Variants in SLC9A9 observed in about 807,000 individuals in gnomAD.
SLC9A9 encodes sodium/hydrogen exchanger 9.
SLC9A9 carries 62 observed loss-of-function variants against 77.8 expected under a neutral mutation model. The ratio of observed to expected loss-of-function variants is 0.80; its 90% CI spans 0.65 to 0.98. The LOEUF (loss-of-function observed/expected upper bound fraction) is 0.98. Ranked by LOEUF, SLC9A9 falls within the 50% of genes least tolerant of loss-of-function variation. The pLI is 0.00. For missense variants in SLC9A9, 775 were observed against 774.9 expected (o/e 1.00, Z 0.00); for synonymous variants, 320 against 283.5 (o/e 1.13, Z -1.29).
intron 8 of SLC9A9, among the ~76,000 whole-genome samples, chr3:143,554,783 G>T (rs2036951004): frequency 6.6e-6 from 1 of 152,082 alleles, no homozygotes; most frequent in Admixed American, 6.6e-5. Flanking sequence ...TGTTCTGCCA[G>T]GGGCCCTTGC....
At chr3:143,727,603 G>A (rs1163343160) in intron 4 of SLC9A9, among the ~76,000 whole-genome samples, 2 of 152,030 alleles carry the variant, frequency 1.3e-5, no homozygotes, top group African/African-American at 2.4e-5. Context: ...CGAGGGAAAC[G>A]GCTCCTGCCT....
intron 2 of SLC9A9, among the ~76,000 whole-genome samples, chr3:143,811,588 AT>A (rs2008865575): frequency 6.6e-6 from 1 of 152,124 alleles, no homozygotes. Context: ...GCTCACACCT[AT>A]AATCCCAGTA....
chr3:143,430,639 G>A (rs2034497213), intron 12 of SLC9A9, among the ~76,000 whole-genome samples: 1 of 152,216 alleles, frequency 6.6e-6, no homozygotes, highest in South Asian at 2.1e-4. Flanking sequence ...GGCCAATGAA[G>A]CTGCATGTGG....
intron 12 of SLC9A9, among the ~76,000 whole-genome samples, chr3:143,388,743 T>C (rs1004265324): frequency 2.0e-5 from 3 of 152,168 alleles, no homozygotes; most frequent in African/African-American, 4.8e-5. Context: ...AGGTCAATGA[T>C]AGGATTCCTG....
chr3:143,384,073 C>A (rs373761512), intron 12 of SLC9A9, among the ~76,000 whole-genome samples: 185 of 152,060 alleles, frequency 1.2e-3, no homozygotes, highest in Non-Finnish European at 2.0e-3. Flanking sequence ...AGGGGAGGAA[C>A]CTTTGATTCT....
At chr3:143,795,795 A>G (rs1217919588) in intron 3 of SLC9A9, among the ~76,000 whole-genome samples, 1 of 152,214 alleles carries the variant, frequency 6.6e-6, no homozygotes, top group South Asian at 2.1e-4. Flanking sequence ...GTCAGCCACA[A>G]AATGATGCTT....
chr3:143,780,341 G>A (rs544573475), intron 4 of SLC9A9, among the ~76,000 whole-genome samples: 10 of 152,118 alleles, frequency 6.6e-5, no homozygotes, highest in African/African-American at 1.4e-4. Flanking sequence ...GGAAGAAGAC[G>A]TTGGCACATT....
intron 15 of SLC9A9, among the ~76,000 whole-genome samples, chr3:143,268,177 C>T (rs1376589546): frequency 6.6e-6 from 1 of 152,180 alleles, no homozygotes; most frequent in African/African-American, 2.4e-5. Flanking sequence ...GTGCTCTTCT[C>T]CAATTCCCTG....
intron 4 of SLC9A9, among the ~76,000 whole-genome samples, chr3:143,723,820 G>A (rs1005178076): frequency 6.6e-6 from 1 of 152,172 alleles, no homozygotes; most frequent in African/African-American, 2.4e-5. Flanking sequence ...TTACCTGAGA[G>A]TGTGTTGAAA....
chr3:143,793,756 G>A (rs1333299057), intron 4 of SLC9A9, among the ~76,000 whole-genome samples: 1 of 152,186 alleles, frequency 6.6e-6, no homozygotes, highest in Non-Finnish European at 1.5e-5. Context: ...TCGAATGAGA[G>A]GCTGTAGTTA....
intron 12 of SLC9A9, among the ~76,000 whole-genome samples, chr3:143,401,461 G>A (rs1311803263): frequency 6.6e-6 from 1 of 152,028 alleles, no homozygotes; most frequent in East Asian, 1.9e-4. Context: ...TTCCTACCTG[G>A]CATCAGACTA....
intron 6 of SLC9A9, among the ~76,000 whole-genome samples, chr3:143,631,663 G>A (rs905685390): frequency 1.3e-5 from 2 of 152,054 alleles, no homozygotes; most frequent in African/African-American, 4.8e-5. Context: ...CAGTTTGGAG[G>A]TGTTGTGCCT....
chr3:143,467,772 A>G (rs1029073591), intron 11 of SLC9A9, among the ~76,000 whole-genome samples: 7 of 151,954 alleles, frequency 4.6e-5, no homozygotes, highest in Non-Finnish European at 8.8e-5. Context: ...AAACATTTCC[A>G]TCACCACAAG....
intron 14 of SLC9A9, among the ~76,000 whole-genome samples, chr3:143,349,556 T>C (rs11915763): frequency 0.019 from 2,941 of 152,344 alleles, 111 homozygotes; most frequent in African/African-American, 0.067. Context: ...ATAGGTATTA[T>C]CATTGTCACT....
At chr3:143,555,813 C>T (rs1447742596) in intron 8 of SLC9A9, among the ~76,000 whole-genome samples, 2 of 152,134 alleles carry the variant, frequency 1.3e-5, no homozygotes. Flanking sequence ...TATGTTGTTG[C>T]TAAATATCTT....
chr3:143,737,365 T>C (rs1302257770), intron 4 of SLC9A9, among the ~76,000 whole-genome samples: 1 of 152,152 alleles, frequency 6.6e-6, no homozygotes, highest in South Asian at 2.1e-4. Context: ...ATTGGAAGCA[T>C]TTTTATTTTT....
intron 14 of SLC9A9, among the ~76,000 whole-genome samples, chr3:143,321,317 C>G (rs2031412143): frequency 6.6e-6 from 1 of 152,196 alleles, no homozygotes; most frequent in African/African-American, 2.4e-5. Flanking sequence ...TTTTTAATCA[C>G]AGCAGATTTA....
At chr3:143,593,060 G>A (rs1257916156) in intron 6 of SLC9A9, among the ~76,000 whole-genome samples, 1 of 152,048 alleles carries the variant, frequency 6.6e-6, no homozygotes, top group Non-Finnish European at 1.5e-5. Flanking sequence ...GTTAAAAGGA[G>A]AGAATTAAAA....
rs1249703604 is a variant in SLC9A9, at chr3:143,758,493, T to A, written c.533+36508A>T. Among the ~76,000 whole-genome samples, 17 of 152,128 alleles carry A rather than the reference T, an allele frequency of 1.1e-4. 1 individual carries two copies. The highest frequency in any genetic ancestry group is 1.1e-3 in the Admixed American group (17 of 15,262). On this transcript the variant is annotated intron_variant, in intron 4 of 15. Transcript: ENST00000316549. ...CCCTGATGGGGCAGTGGCCCTCACA[T>A]TTTTAAGGAAGGTAGGAAGGTCTCA...
Sources: allele counts gnomAD v4.1 joint callset (sites outside exome capture counted in the v4.1 genomes callset), GRCh38; gene constraint gnomAD v4.1.1; transcripts MANE v1.5; gene names NCBI Gene and HGNC (gene_info 2026-07-23, HGNC 2026-07-21).